TENM2: variants seen among roughly 807,000 people sequenced by gnomAD.
TENM2 encodes the protein teneurin-2.
In TENM2, 52 loss-of-function variants were observed where a neutral mutation model predicts 245.2. That is an observed-to-expected ratio of 0.21 (90% CI 0.17 to 0.27). The LOEUF is 0.27. TENM2 is among the 10% of genes least tolerant of loss of function. The pLI is 1.00. For synonymous variants in TENM2, 1,363 were observed against 1,438.9 expected (o/e 0.95, Z 1.19); for missense variants, 3,046 against 3,666.8 (o/e 0.83, Z 4.37).
chr5:167,978,405 G>A (rs1782595671), intron 4 of TENM2, among the ~76,000 whole-genome samples: 1 of 152,138 alleles, frequency 6.6e-6, no homozygotes, highest in South Asian at 2.1e-4. Context: ...AAGAAAAAGT[G>A]TACACACACA....
chr5:168,006,000 A>G (rs922867025), intron 5 of TENM2, among the ~76,000 whole-genome samples: 2 of 152,228 alleles, frequency 1.3e-5, no homozygotes, highest in Admixed American at 6.5e-5. Context: ...TATAGTTTCC[A>G]TCGGCTTCTA....
At position 168,030,158 on chromosome 5, in the gene TENM2, C is replaced by CTTTTTTTTTTTTTT. The variant is rs540326142; in HGVS notation, c.1187-17253_1187-17240dup. Among the ~76,000 whole-genome samples, 11 of 65,288 alleles carry CTTTTTTTTTTTTTT rather than the reference C, an allele frequency of 1.7e-4. 3 individuals carry two copies. In the East Asian group the frequency reaches 2.7e-3, roughly 16 times the overall value. The allele number at this position is 65,288 out of a possible 152,430, so 42.8% of individuals were successfully genotyped here. A position where few individuals can be genotyped will look rare whatever the true frequency, so the allele number is the denominator to read the frequency against. On this transcript the variant is annotated intron_variant, in intron 5 of 28. Transcript: ENST00000518659. ...CTTTGGCCCAAGTCTGGTTCTGGCT[C>CTTTTTTTTTTTTTT]TTTTTTTTTTTTTTTTTTTTTTTTT...
chr5:167,102,302 G>A, the TENM2 span, among the ~76,000 whole-genome samples: 1 of 152,002 alleles, frequency 6.6e-6, no homozygotes, highest in African/African-American at 2.4e-5. Flanking sequence ...GAGCAAAAGA[G>A]GGTCAACAAG....
the TENM2 span, among the ~76,000 whole-genome samples, chr5:167,259,805 C>G: frequency 6.6e-6 from 1 of 152,054 alleles, no homozygotes; most frequent in African/African-American, 2.4e-5. Context: ...CTTATTGCTT[C>G]TCATGAAGGG....
At chr5:167,526,602 A>G (rs929005413) in intron 2 of TENM2, among the ~76,000 whole-genome samples, 2 of 152,002 alleles carry the variant, frequency 1.3e-5, no homozygotes, top group Admixed American at 6.6e-5. Flanking sequence ...TAGAATCAAT[A>G]TATATTTTTA....
the TENM2 span, among the ~76,000 whole-genome samples, chr5:167,250,276 C>A: frequency 6.6e-6 from 1 of 152,082 alleles, no homozygotes; most frequent in Non-Finnish European, 1.5e-5. Flanking sequence ...AGCCGTGATA[C>A]TGCCACTGCA....
At chr5:168,260,162 C>A in intron 27 of TENM2, 121 bp from the exon 30 acceptor site, 1 of 902,428 alleles carries the variant, frequency 1.1e-6, no homozygotes, top group Admixed American at 2.1e-5. Flanking sequence ...ATAAGCTCTT[C>A]CTCCCTCCCC....
the TENM2 span, among the ~76,000 whole-genome samples, chr5:167,085,324 A>G: frequency 1.3e-5 from 2 of 152,330 alleles, no homozygotes; most frequent in African/African-American, 2.4e-5. Context: ...TTTGGAGCCT[A>G]TATTTGGGAT....
At chr5:167,034,474 CA>C in the TENM2 span, among the ~76,000 whole-genome samples, 5 of 151,700 alleles carry the variant, frequency 3.3e-5, no homozygotes, top group East Asian at 9.7e-4. Context: ...ACTAAAAATA[CA>C]AAAAATTAGC....
At chr5:167,370,334 TC>T (rs1258393231) in intron 1 of TENM2, among the ~76,000 whole-genome samples, 4 of 98,988 alleles carry the variant, frequency 4.0e-5, no homozygotes, top group Non-Finnish European at 5.6e-5. Context: ...AGAGTGAGAC[TC>T]CGTCTCAAAA....
At chr5:167,359,036 C>T (rs1056342260) in intron 1 of TENM2, among the ~76,000 whole-genome samples, 5 of 152,278 alleles carry the variant, frequency 3.3e-5, no homozygotes, top group Non-Finnish European at 7.4e-5. Flanking sequence ...TCGTCTTTCC[C>T]ATGCAATCTT....
the TENM2 span, among the ~76,000 whole-genome samples, chr5:167,143,277 G>C: frequency 7.9e-5 from 12 of 152,208 alleles, no homozygotes; most frequent in African/African-American, 2.7e-4. Context: ...TGCTTGGCAA[G>C]AATGTCCACA....
chr5:167,776,634 T>C (rs1319412722), intron 2 of TENM2, among the ~76,000 whole-genome samples: 1 of 3,476 alleles, frequency 2.9e-4, no homozygotes, highest in Non-Finnish European at 5.0e-4. Context: ...AAACCATATA[T>C]ATGTATCTAT....
At chr5:167,807,679 G>T (rs1055328563) in intron 2 of TENM2, among the ~76,000 whole-genome samples, 2 of 151,450 alleles carry the variant, frequency 1.3e-5, no homozygotes, top group Admixed American at 1.3e-4. Context: ...GTGACTTAGG[G>T]AAGAGGCAGA....
At chr5:167,375,230 T>C in exon 2 of TENM2, 1 of 1,551,722 alleles carries the variant, frequency 6.4e-7, no homozygotes, top group Non-Finnish European at 8.7e-7. Context: ...ACTGGGCATC[T>C]GTGAGCCCTC....
chr5:167,160,247 A>G, the TENM2 span, among the ~76,000 whole-genome samples: 92 of 152,346 alleles, frequency 6.0e-4, no homozygotes, highest in Non-Finnish European at 1.0e-4. Flanking sequence ...TGAATCAGAT[A>G]ACGCCAAGCC....
At position 167,541,810 on chromosome 5, in the gene TENM2, A is replaced by G. The variant is rs547877183; in HGVS notation, c.502+166337A>G. On this transcript the variant is annotated intron_variant, in intron 2 of 28. Transcript: ENST00000518659. ...AATATTTTGAAATTATACTGATTTT[A>G]CATGACAGATACATAAGGCAATAAT... Among the ~76,000 whole-genome samples, 447 of 152,338 alleles carry G rather than the reference A, an allele frequency of 2.9e-3. 1 individual carries two copies. The highest frequency in any genetic ancestry group is 5.0e-3 in the Non-Finnish European group (337 of 68,012).
chr5:168,210,430 G>T (rs537864859), intron 19 of TENM2, among the ~76,000 whole-genome samples: 23 of 152,112 alleles, frequency 1.5e-4, no homozygotes, highest in African/African-American at 5.5e-4. Flanking sequence ...AATTGATATT[G>T]CAATAATTAA....
chr5:167,179,535 C>T, the TENM2 span, among the ~76,000 whole-genome samples: 25 of 152,056 alleles, frequency 1.6e-4, no homozygotes, highest in Admixed American at 8.5e-4. Flanking sequence ...CATTTTTCCC[C>T]TTTAGTAAAT....
Sources: allele counts gnomAD v4.1 joint callset (sites outside exome capture counted in the v4.1 genomes callset), GRCh38; gene constraint gnomAD v4.1.1; transcripts MANE v1.5; gene names NCBI Gene and HGNC (gene_info 2026-07-23, HGNC 2026-07-21).